The following EEA1 variants were observed in gnomAD, a reference collection of about 807,000 sequenced individuals.
EEA1 encodes early endosome antigen 1.
EEA1 carries 111 observed loss-of-function variants against 209.2 expected under a neutral mutation model. The ratio of observed to expected loss-of-function variants is 0.53; its 90% CI spans 0.45 to 0.62. The LOEUF (loss-of-function observed/expected upper bound fraction) is 0.62. EEA1 is among the 20% of genes least tolerant of loss of function. The pLI, the probability that EEA1 is intolerant of heterozygous loss-of-function variation, is 0.00. For synonymous variants in EEA1, 536 were observed against 540.6 expected (o/e 0.99, Z 0.12); for missense variants, 1,343 against 1,530.8 (o/e 0.88, Z 2.05).
chr12:92,858,954 G>A (rs149127198), intron 3 of EEA1: 1 of 698,592 alleles, frequency 1.4e-6, no homozygotes, highest in African/African-American at 1.7e-5. Context: ...ATTATACTAA[G>A]ATCAACCGTT....
intron 21 of EEA1, among the ~76,000 whole-genome samples, chr12:92,790,441 T>C (rs940562023): frequency 1.6e-4 from 25 of 152,062 alleles, no homozygotes; most frequent in African/African-American, 5.6e-4. Context: ...ATAAACAGTG[T>C]AGAGATGGAG....
At chr12:92,811,905 A>G (rs1875534667) in intron 16 of EEA1, among the ~76,000 whole-genome samples, 1 of 152,204 alleles carries the variant, frequency 6.6e-6, no homozygotes, top group Admixed American at 6.5e-5. Context: ...TCTACTATGT[A>G]CCAAAAGTAG....
At chr12:92,830,744 C>T (rs1261978140) in intron 11 of EEA1, among the ~76,000 whole-genome samples, 1 of 152,112 alleles carries the variant, frequency 6.6e-6, no homozygotes, top group African/African-American at 2.4e-5. Context: ...ATGGATAGTG[C>T]ATGTCATAAC....
intron 1 of EEA1, among the ~76,000 whole-genome samples, chr12:92,926,103 C>G (rs1405412012): frequency 6.6e-6 from 1 of 151,880 alleles, no homozygotes; most frequent in African/African-American, 2.4e-5. Flanking sequence ...AAGTGATTCT[C>G]CTACCTCAGC....
intron 1 of EEA1, among the ~76,000 whole-genome samples, chr12:92,893,629 T>C (rs1396746210): frequency 6.6e-6 from 1 of 152,210 alleles, no homozygotes; most frequent in Non-Finnish European, 1.5e-5. Flanking sequence ...TGATTTAAAT[T>C]ATATATAAAA....
intron 1 of EEA1, among the ~76,000 whole-genome samples, chr12:92,908,684 C>T (rs1269189559): frequency 6.6e-6 from 1 of 151,762 alleles, no homozygotes; most frequent in Non-Finnish European, 1.5e-5. Context: ...AATTTTAAAG[C>T]TATTTATGTA....
chr12:92,867,297 A>G (rs1878442490), intron 2 of EEA1, among the ~76,000 whole-genome samples: 3 of 152,290 alleles, frequency 2.0e-5, no homozygotes, highest in South Asian at 4.1e-4. Context: ...GAGCACCCTC[A>G]TTAGCTTGTC....
chr12:92,834,893 C>CT (rs1876842607), intron 10 of EEA1, among the ~76,000 whole-genome samples: 1 of 143,612 alleles, frequency 7.0e-6, no homozygotes, highest in Non-Finnish European at 1.5e-5. Flanking sequence ...TTTTCTTTTT[C>CT]TTTTTTGAGA....
intron 2 of EEA1, among the ~76,000 whole-genome samples, chr12:92,866,402 T>C (rs912739971): frequency 6.6e-5 from 10 of 152,164 alleles, no homozygotes; most frequent in Admixed American, 6.5e-4. Context: ...TAAAATGGAA[T>C]GTGTGTGGCA....
chr12:92,857,657 G>C (rs769796129), intron 3 of EEA1, among the ~76,000 whole-genome samples, 172 bp from the exon 4 acceptor site: 62 of 151,886 alleles, frequency 4.1e-4, no homozygotes, highest in African/African-American at 1.4e-3. Context: ...TCAGAAAAAC[G>C]ATTTTATTCC....
At chr12:92,837,750 C>G (rs1240982839) in intron 10 of EEA1, among the ~76,000 whole-genome samples, 1 of 152,150 alleles carries the variant, frequency 6.6e-6, no homozygotes, top group African/African-American at 2.4e-5. Flanking sequence ...GACATTAACA[C>G]AAAAGCAATT....
rs1306003883 is a variant in EEA1, at chr12:92,776,831, C to A, written c.4113+13G>T. On this transcript the variant is annotated intron_variant, in intron 28 of 28. Transcript: ENST00000322349. The stretch of plus-strand genomic sequence containing the variant: ...AAATCCAGAAACATAGTTACATGAA[C>A]AAAATTATTTACCCGTCTCACTGTT... 6.2e-7 allele frequency: 1 copy of A among 1,607,154 alleles called. No individual in the cohort carries two copies. The highest frequency in any genetic ancestry group is 8.5e-7 in the Non-Finnish European group (1 of 1,174,930).
At chr12:92,827,052 C>T (rs898720457) in intron 12 of EEA1, among the ~76,000 whole-genome samples, 2 of 152,016 alleles carry the variant, frequency 1.3e-5, no homozygotes, top group African/African-American at 4.8e-5. Context: ...CAGATTTTAT[C>T]GTAGAATATG....
intron 1 of EEA1, among the ~76,000 whole-genome samples, chr12:92,898,018 T>C (rs1251023900): frequency 6.6e-6 from 1 of 152,224 alleles, no homozygotes; most frequent in African/African-American, 2.4e-5. Flanking sequence ...ATACTTGTTT[T>C]ATTGCAGTGA....
intron 7 of EEA1, 25 bp from the exon 8 acceptor site, chr12:92,852,321 A>T: frequency 1.3e-6 from 2 of 1,493,936 alleles, no homozygotes; most frequent in African/African-American, 2.9e-5. Flanking sequence ...TTATATAAAT[A>T]TTAGTTTAAG....
rs1470812573 is a variant in EEA1, at chr12:92,782,082, A to G, written c.3204T>C (p.Asn1068=). 1.9e-6 allele frequency: 3 copies of G among 1,612,544 alleles called. No individual in the cohort carries two copies. Among genetic ancestry groups the G allele is most frequent in the South Asian group, 1.1e-5 (1 of 90,942 alleles). Residue 1068 remains asparagine, a synonymous_variant, in exon 23 of 29, where the codon AAT becomes AAC. Coordinates refer to ENST00000322349, the MANE Select transcript of EEA1 (RefSeq NM_003566.4). ...LAQEDLISNR[N]QIGNQNKLIQ... is the part of the protein sequence containing the mutation. ...TCAATTTATTTTGATTTCCAATTTG[A>G]TTTCTGTTTGAAATCAAGTCCTCCT...
chr12:92,903,018 T>TCCG (rs1847538000), intron 1 of EEA1, among the ~76,000 whole-genome samples: 1 of 149,606 alleles, frequency 6.7e-6, no homozygotes, highest in Non-Finnish European at 1.5e-5. Context: ...TACTGCAAGC[T>TCCG]CCGCCTCCCG....
intron 2 of EEA1, among the ~76,000 whole-genome samples, chr12:92,878,382 AAAGG>A (rs1165290798): frequency 6.6e-6 from 1 of 152,226 alleles, no homozygotes; most frequent in Non-Finnish European, 1.5e-5. Flanking sequence ...TGGATGAGGA[AAAGG>A]AAGAATCAAG....
chr12:92,883,251 G>A (rs1879234576), intron 2 of EEA1, among the ~76,000 whole-genome samples: 1 of 152,058 alleles, frequency 6.6e-6, no homozygotes, highest in Non-Finnish European at 1.5e-5. Context: ...ATTTTTTAAT[G>A]GGGCTTTTTG....
Sources: allele counts gnomAD v4.1 joint callset (sites outside exome capture counted in the v4.1 genomes callset), GRCh38; gene constraint gnomAD v4.1.1; transcripts MANE v1.5; gene names NCBI Gene and HGNC (gene_info 2026-07-23, HGNC 2026-07-21).